Variants in WDR70 observed in about 807,000 individuals in gnomAD.
WDR70 encodes the protein WD repeat domain 70.
WDR70 carries 53 observed loss-of-function variants against 88.6 expected under a neutral mutation model. The ratio of observed to expected loss-of-function variants is 0.60; its 90% CI spans 0.48 to 0.75. The LOEUF is 0.75. Among genes scored for constraint, WDR70 ranks in the 30% least tolerant of loss-of-function variants. The pLI is 0.00. For missense variants in WDR70, 610 were observed against 823.2 expected (o/e 0.74, Z 3.17); for synonymous variants, 280 against 270.0 (o/e 1.04, Z -0.36).
At chr5:37,677,674 A>G (rs1228487230) in intron 10 of WDR70, among the ~76,000 whole-genome samples, 1 of 132,968 alleles carries the variant, frequency 7.5e-6, no homozygotes, top group Non-Finnish European at 1.6e-5. Flanking sequence ...CAATTTTGGA[A>G]TAGGTGTGGG....
intron 9 of WDR70, among the ~76,000 whole-genome samples, chr5:37,536,454 A>C (rs1741670634): frequency 6.6e-6 from 1 of 152,124 alleles, no homozygotes; most frequent in Non-Finnish European, 1.5e-5. Flanking sequence ...TTTGGATTTC[A>C]GATTTTTTTT....
intron 5 of WDR70, among the ~76,000 whole-genome samples, chr5:37,437,534 C>T (rs1750505748): frequency 6.6e-6 from 1 of 152,000 alleles, no homozygotes; most frequent in Admixed American, 6.5e-5. Flanking sequence ...TTTCGCTCCT[C>T]TTGATAAACT....
At position 37,446,355 on chromosome 5, in the gene WDR70, C is replaced by A. The variant is rs569811196; in HGVS notation, c.686+2983C>A. Among the ~76,000 whole-genome samples the A allele has an allele frequency of 2.2e-3, 329 of 152,244 alleles. 3 individuals are homozygous for A. Among genetic ancestry groups the A allele is most frequent in the African/African-American group, 7.6e-3 (315 of 41,528 alleles). On this transcript the variant is annotated intron_variant, in intron 7 of 17. Coordinates refer to ENST00000265107, the MANE Select transcript of WDR70 (RefSeq NM_018034.4). ...GGAAGAATCAATATCGTGAAAATGG[C>A]CATACTGCCCAAGGTAATTTATAGA... is the stretch of plus-strand genomic sequence containing the variant.
At chr5:37,424,334 C>CT (rs1750053730) in intron 5 of WDR70, among the ~76,000 whole-genome samples, 1 of 150,086 alleles carries the variant, frequency 6.7e-6, no homozygotes, top group Non-Finnish European at 1.5e-5. Flanking sequence ...CTAGATGGAT[C>CT]TTATTGACCA....
At chr5:37,432,652 TC>T (rs964327677) in intron 5 of WDR70, among the ~76,000 whole-genome samples, 1 of 152,018 alleles carries the variant, frequency 6.6e-6, no homozygotes, top group African/African-American at 2.4e-5. Context: ...CACCTCAGCC[TC>T]CCAAAGTGCT....
chr5:37,729,927 A>G (rs775290133), intron 17 of WDR70, among the ~76,000 whole-genome samples: 4 of 151,946 alleles, frequency 2.6e-5, no homozygotes, highest in African/African-American at 4.8e-5. Context: ...CTTGTAGCTA[A>G]ATAATCTTTT....
intron 17 of WDR70, among the ~76,000 whole-genome samples, chr5:37,728,081 C>T (rs188614581): frequency 1.4e-3 from 218 of 152,098 alleles, no homozygotes; most frequent in Non-Finnish European, 2.5e-3. Flanking sequence ...GGTGCATTAG[C>T]TCATGCTTAT....
chr5:37,521,528 C>A (rs914942982), intron 9 of WDR70, among the ~76,000 whole-genome samples: 5 of 152,146 alleles, frequency 3.3e-5, no homozygotes, highest in African/African-American at 1.2e-4. Flanking sequence ...TCCAATGTAT[C>A]ATTCTTATGC....
intron 13 of WDR70, among the ~76,000 whole-genome samples, chr5:37,706,397 CA>C (rs1333135310): frequency 6.6e-6 from 1 of 152,162 alleles, no homozygotes; most frequent in Non-Finnish European, 1.5e-5. Flanking sequence ...ACCCAAATCT[CA>C]TCTTGAATTG....
chr5:37,516,708 TATAC>T lies in WDR70; in HGVS notation c.917+122_917+125del, dbSNP rs377696040. On this transcript the variant is annotated intron_variant, in intron 9 of 17. Transcript: ENST00000265107. ...AGTGGAATATTAGGAATTCTTATTA[TATAC>T]ATATATATATATATTTTTTTTTTTT... The T allele has an allele frequency of 2.7e-3, 475 of 177,140 alleles. 64 individuals carry two copies. The highest frequency in any genetic ancestry group is 5.2e-3 in the South Asian group (24 of 4,600). 11.0% of individuals were successfully genotyped at this position (177,140 alleles called of 1,614,324 possible).
intron 5 of WDR70, among the ~76,000 whole-genome samples, chr5:37,415,897 C>G (rs1372151399): frequency 6.6e-6 from 1 of 151,120 alleles, no homozygotes; most frequent in Non-Finnish European, 1.5e-5. Context: ...AGACGCTCCC[C>G]ACATCTCAGA....
intron 8 of WDR70, 133 bp from the exon 9 acceptor site, chr5:37,516,381 G>T (rs1477200760): frequency 2.0e-6 from 1 of 504,734 alleles, no homozygotes; most frequent in Non-Finnish European, 3.6e-6. Flanking sequence ...AATAATATAG[G>T]TTTATAATTA....
chr5:37,435,824 C>T (rs1180363126), intron 5 of WDR70, among the ~76,000 whole-genome samples: 2 of 152,040 alleles, frequency 1.3e-5, no homozygotes, highest in Non-Finnish European at 2.9e-5. Context: ...GTGTGATGAA[C>T]AAGGTAGACA....
chr5:37,466,678 C>T (rs992721299), intron 7 of WDR70, among the ~76,000 whole-genome samples: 1 of 137,122 alleles, frequency 7.3e-6, no homozygotes, highest in Non-Finnish European at 1.5e-5. Flanking sequence ...TGCACTCCAG[C>T]CTGGGCGACA....
intron 10 of WDR70, among the ~76,000 whole-genome samples, chr5:37,665,463 ATCT>A (rs1745812242): frequency 6.6e-6 from 1 of 152,228 alleles, no homozygotes; most frequent in Non-Finnish European, 1.5e-5. Context: ...TTGTCCAAGC[ATCT>A]GCTGCACAGG....
chr5:37,591,000 G>T (rs1426632023), intron 9 of WDR70, among the ~76,000 whole-genome samples: 1 of 152,284 alleles, frequency 6.6e-6, no homozygotes, highest in East Asian at 1.9e-4. Flanking sequence ...TAACCAATTT[G>T]AGAAGACAAA....
intron 10 of WDR70, among the ~76,000 whole-genome samples, chr5:37,689,200 A>G (rs1347270482): frequency 6.6e-6 from 1 of 152,248 alleles, no homozygotes; most frequent in Non-Finnish European, 1.5e-5. Flanking sequence ...AACTGGGTGG[A>G]GCCCACTGCA....
chr5:37,705,600 G>A (rs990212327), intron 13 of WDR70, among the ~76,000 whole-genome samples: 1 of 151,626 alleles, frequency 6.6e-6, no homozygotes, highest in Admixed American at 6.6e-5. Flanking sequence ...TTAACAGTCC[G>A]TTTGACCTAT....
At chr5:37,672,965 G>A (rs1020928187) in intron 10 of WDR70, among the ~76,000 whole-genome samples, 8 of 151,888 alleles carry the variant, frequency 5.3e-5, no homozygotes, top group Admixed American at 3.3e-4. Context: ...TCATGGAGGC[G>A]GGGGGGTTTG....
Sources: gnomAD v4.1 joint callset for allele counts (sites outside exome capture counted in the v4.1 genomes callset) on GRCh38, gnomAD v4.1.1 for gene constraint, MANE v1.5 for transcripts, NCBI Gene and HGNC (gene_info 2026-07-23, HGNC 2026-07-21) for gene names.